TERF2IP: variants seen among roughly 807,000 people sequenced by gnomAD.
TERF2IP encodes the protein telomeric repeat-binding factor 2-interacting protein 1.
TERF2IP carries 35 observed loss-of-function variants against 33.3 expected under a neutral mutation model. The observed-to-expected ratio is 1.05, with a 90% CI of 0.80 to 1.39. The LOEUF (loss-of-function observed/expected upper bound fraction) is 1.39. Ranked by LOEUF, TERF2IP falls within the 40% of genes most tolerant of loss-of-function variation. The probability of loss-of-function intolerance (pLI) is 0.00; values close to 1 mark genes in which losing one functional copy is unlikely to be tolerated. For missense variants in TERF2IP, 583 were observed against 524.8 expected, an observed-to-expected ratio of 1.11 and a Z score of -1.08; for synonymous variants, 253 against 223.2, an observed-to-expected ratio of 1.13 and a Z score of -1.19.
chr16:75,655,290 G>C (rs2082376573), intron 2 of TERF2IP, among the ~76,000 whole-genome samples: 1 of 152,160 alleles, frequency 6.6e-6, no homozygotes, highest in African/African-American at 2.4e-5. Flanking sequence ...TACTCTGTTA[G>C]AATCTGATAT....
chr16:75,653,771 T>G (rs2082363989), intron 1 of TERF2IP, among the ~76,000 whole-genome samples: 1 of 152,152 alleles, frequency 6.6e-6, no homozygotes, highest in Non-Finnish European at 1.5e-5. Context: ...TGAAGGGCCT[T>G]CCTAGCTCCA....
At chr16:75,649,475 C>A (rs1335582945) in intron 1 of TERF2IP, among the ~76,000 whole-genome samples, 2 of 150,766 alleles carry the variant, frequency 1.3e-5, no homozygotes, top group South Asian at 4.2e-4. Context: ...ACCCGGGGGG[C>A]GGAGGTTGCA....
chr16:75,648,666 C>G, intron 1 of TERF2IP, 114 bp downstream of exon 1: 1 of 1,434,892 alleles, frequency 7.0e-7, no homozygotes. Context: ...TTGGCCCCGC[C>G]CCCTGTTGAC....
intron 2 of TERF2IP, among the ~76,000 whole-genome samples, 187 bp from the exon 3 acceptor site, chr16:75,656,006 CACACACACACGCGT>C (rs1357233242): frequency 6.6e-6 from 1 of 151,424 alleles, no homozygotes; most frequent in African/African-American, 2.4e-5. Flanking sequence ...CACACACGCG[CACACACACACGCGT>C]GTACATATAC....
rs776321445 is a variant in TERF2IP, at chr16:75,654,392, G to T, written c.790G>T (p.Val264Phe). The T allele has an allele frequency of 1.9e-6, 3 of 1,612,508 alleles. No individual in the cohort carries two copies. Among genetic ancestry groups the T allele is most frequent in the South Asian group, 1.1e-5 (1 of 91,022 alleles). Residue 264 changes from valine (V) to phenylalanine (F), a missense_variant, in exon 2 of 3, where the codon GTT becomes TTT. By Grantham distance (50) the Val-to-Phe change is conservative. Coordinates refer to ENST00000300086, the MANE Select transcript of TERF2IP (RefSeq NM_018975.4). ...GGAAGCCACCCGGGAGTTTGAGGAG[G>T]TTGTGGTATGTTAACTAGATTTACT... Reference protein sequence around the residue: ...LVEATREFEEVVVDESPPDFE... With the variant: ...LVEATREFEEFVVDESPPDFE...
chr16:75,656,292 A>G lies in TERF2IP; in HGVS notation c.881A>G (p.Gln294Arg), dbSNP rs1567511216. ...ACACCTGAGGAAGACTCAGAAACAC[A>G]GCCTGATGAGGAGGAAGAAGAAGAA... ...PPTPEEDSET[Q>R]PDEEEEEEEE... is the part of the protein sequence containing the mutation. Residue 294 changes from glutamine to arginine, a missense_variant, in exon 3 of 3, where the codon CAG becomes CGG. Gln to Arg is a conservative substitution (Grantham distance 43). Coordinates refer to ENST00000300086, the MANE Select transcript of TERF2IP (RefSeq NM_018975.4). 6.2e-7 allele frequency: 1 copy of G among 1,614,238 alleles called. No individual in the cohort carries two copies. The highest frequency in any genetic ancestry group is 2.2e-5 in the East Asian group (1 of 44,882).
intron 1 of TERF2IP, among the ~76,000 whole-genome samples, chr16:75,653,436 C>A (rs1367760185): frequency 6.6e-6 from 1 of 152,150 alleles, no homozygotes; most frequent in Non-Finnish European, 1.5e-5. Context: ...TTGTAACCAG[C>A]ACCCACATTG....
Position 75,648,352 on chromosome 16 carries a change from C to T in TERF2IP, c.470C>T (p.Ser157Phe), listed in dbSNP as rs1230989304. The change falls in exon 1 of 3, where the codon TCC becomes TTC. Residue 157 changes from serine (S) to phenylalanine (F), a missense_variant. Physicochemically the swap from Ser to Phe is radical, Grantham distance 155 (BLOSUM62 -2). Transcript: ENST00000300086. Reference protein sequence around the residue: ...YVKENARSPSSVTGNALWKAM... With the variant: ...YVKENARSPSFVTGNALWKAM... ...AAGGAAAATGCCCGCTCGCCCAGCT[C>T]CGTCACCGGTAACGCCTTGTGGAAA... 6.3e-7 allele frequency: 1 copy of T among 1,596,710 alleles called. No individual in the cohort carries two copies. Among genetic ancestry groups the T allele is most frequent in the Non-Finnish European group, 8.5e-7 (1 of 1,172,120 alleles).
In TERF2IP at chr16:75,656,452, C is replaced by T. The variant is rs534696489; in HGVS notation, c.1041C>T (p.Ser347=). Residue 347 remains serine (S), a synonymous_variant, in exon 3 of 3, where the codon TCC becomes TCT. Transcript: ENST00000300086. The stretch of plus-strand genomic sequence containing the variant: ...ATAGTGGTGAGCTGGAGGCTACTTC[C>T]GCCTTCTTAGCGTCTGGTCAGAGAG... ...LKNSGELEAT[S]AFLASGQRAD... 38 of 1,614,156 alleles carry T rather than the reference C, an allele frequency of 2.4e-5. No individual in the cohort carries two copies. The East Asian group carries it at 4.2e-4, about 18-fold the overall frequency.
At chr16:75,649,875 T>G (rs996815274) in intron 1 of TERF2IP, among the ~76,000 whole-genome samples, 6 of 152,212 alleles carry the variant, frequency 3.9e-5, no homozygotes, top group Non-Finnish European at 5.9e-5. Context: ...CTTGGTGACG[T>G]ACCTGGCATT....
At chr16:75,648,604 G>GATCTTTCTCCTGGCTGCCTGGC in intron 1 of TERF2IP, 52 bp downstream of exon 1, 2 of 1,465,396 alleles carry the variant, frequency 1.4e-6, no homozygotes, top group Non-Finnish European at 1.8e-6. Flanking sequence ...GTGGGGTTGG[G>GATCTTTCTCCTGGCTGCCTGGC]ATCTTTCTCC....
rs962152795 is a variant in TERF2IP at position 75,657,001 on chromosome 16, A to T, written c.*390A>T. On this transcript the variant is annotated 3_prime_UTR_variant, in exon 3 of 3. Coordinates refer to ENST00000300086, the MANE Select transcript of TERF2IP (RefSeq NM_018975.4). The stretch of plus-strand genomic sequence containing the variant: ...AAGTAATCTCCTGTCCTTTGGCAGA[A>T]GCTCCTTTAGATTGGGATAGATTCC... 1 of 164,378 alleles carries T rather than the reference A, an allele frequency of 6.1e-6. No individual in the cohort carries two copies. Among genetic ancestry groups the T allele is most frequent in the Non-Finnish European group, 1.3e-5 (1 of 76,420 alleles). 10.2% of individuals were successfully genotyped at this position (164,378 alleles called of 1,614,324 possible).
At chr16:75,654,443 C>A (rs752384363) in intron 2 of TERF2IP, 46 bp downstream of exon 2, 2 of 1,591,168 alleles carry the variant, frequency 1.3e-6, no homozygotes, top group South Asian at 2.2e-5. Flanking sequence ...TACCTTCATT[C>A]TTCTTTGAAA....
rs894686641 is a variant in TERF2IP, at chr16:75,654,333, A to G, written c.731A>G (p.Gln244Arg). 2.5e-6 allele frequency: 4 copies of G among 1,613,990 alleles called. No homozygotes were observed. Among genetic ancestry groups the G allele is most frequent in the Middle Eastern group, 1.6e-4 (1 of 6,062 alleles). Reference protein sequence around the residue: ...PEEEYVKEEIQENEEAVKKML... With the variant: ...PEEEYVKEEIRENEEAVKKML... Reference sequence around the variant, plus strand: ...GAAGAGTATGTGAAGGAAGAAATCCAGGAGAATGAAGAAGCAGTCAAAAAG... The same window carrying G: ...GAAGAGTATGTGAAGGAAGAAATCCGGGAGAATGAAGAAGCAGTCAAAAAG... The change falls in exon 2 of 3, where the codon CAG becomes CGG. Residue 244 changes from glutamine to arginine, a missense_variant. By Grantham distance (43) the Gln-to-Arg change is conservative. Transcript: ENST00000300086.
intron 1 of TERF2IP, among the ~76,000 whole-genome samples, chr16:75,649,313 G>A (rs919006744): frequency 6.6e-6 from 1 of 152,190 alleles, no homozygotes; most frequent in Non-Finnish European, 1.5e-5. Flanking sequence ...GGAGGCCGAG[G>A]CGGGCGGATC....
At chr16:75,653,428 G>A (rs1480207664) in intron 1 of TERF2IP, among the ~76,000 whole-genome samples, 1 of 152,026 alleles carries the variant, frequency 6.6e-6, no homozygotes, top group African/African-American at 2.4e-5. Flanking sequence ...GTAAATTTTT[G>A]TAACCAGCAC....
intron 1 of TERF2IP, 121 bp from the exon 2 acceptor site, chr16:75,654,148 TAAAA>T (rs34359798): frequency 0.032 from 9,212 of 288,082 alleles, 1 homozygote; most frequent in Non-Finnish European, 0.037. Context: ...CTTCTGATAG[TAAAA>T]AAAAAAAAAA....
rs1255238990 is a variant in TERF2IP, at chr16:75,656,377, G to A, written c.966G>A (p.Met322Ile). ...GAAIKIIRQL[M>I]EKFNLDLSTV... ...CCATTAAGATCATTCGGCAGTTAAT[G>A]GAGAAGTTTAACTTGGATCTATCAA... is the stretch of plus-strand genomic sequence containing the variant. Residue 322 changes from methionine (M) to isoleucine (I), a missense_variant, in exon 3 of 3, where the codon ATG becomes ATA. Physicochemically the swap from Met to Ile is conservative, Grantham distance 10 (BLOSUM62 1). Transcript: ENST00000300086. The A allele has an allele frequency of 6.2e-7, 1 of 1,614,180 alleles. No homozygotes were observed. Among genetic ancestry groups the A allele is most frequent in the Non-Finnish European group, 8.5e-7 (1 of 1,180,026 alleles).
chr16:75,649,304 G>A (rs971792575), intron 1 of TERF2IP, among the ~76,000 whole-genome samples: 3 of 152,214 alleles, frequency 2.0e-5, no homozygotes, highest in Non-Finnish European at 2.9e-5. Context: ...AGCACTTTGG[G>A]AGGCCGAGGC....
Sources: allele counts gnomAD v4.1 joint callset (sites outside exome capture counted in the v4.1 genomes callset), GRCh38; gene constraint gnomAD v4.1.1; transcripts MANE v1.5; gene names NCBI Gene and HGNC (gene_info 2026-07-23, HGNC 2026-07-21).